Variants in CPE observed in about 807,000 individuals in gnomAD.
The protein encoded by CPE is carbocypeptidase E.
In CPE, 17 loss-of-function variants were observed where a neutral mutation model predicts 53.5. The ratio of observed to expected loss-of-function variants is 0.32; its 90% CI spans 0.22 to 0.48. The LOEUF (loss-of-function observed/expected upper bound fraction) is 0.48. CPE is among the 20% of genes least tolerant of loss of function. The pLI is 0.99. For missense variants in CPE, 524 were observed against 614.7 expected (o/e 0.85, Z 1.56); for synonymous variants, 226 against 228.8 (o/e 0.99, Z 0.11).
intron 1 of CPE, among the ~76,000 whole-genome samples, chr4:165,389,584 C>T (rs777188678): frequency 6.6e-6 from 1 of 152,172 alleles, no homozygotes; most frequent in Non-Finnish European, 1.5e-5. Flanking sequence ...ATTGGTTGTG[C>T]TGGAGTTGTC....
At chr4:165,486,898 T>G (rs761857793) in intron 5 of CPE, among the ~76,000 whole-genome samples, 1 of 152,178 alleles carries the variant, frequency 6.6e-6, no homozygotes, top group Non-Finnish European at 1.5e-5. Context: ...ATCCTTAACT[T>G]TGGCAAAGAA....
intron 1 of CPE, among the ~76,000 whole-genome samples, chr4:165,426,882 A>G (rs1731328624): frequency 6.6e-6 from 1 of 152,226 alleles, no homozygotes; most frequent in Admixed American, 6.5e-5. Flanking sequence ...TTAGTAAGTG[A>G]AAGAAGAAAG....
At chr4:165,412,306 C>T (rs1280863487) in intron 1 of CPE, among the ~76,000 whole-genome samples, 1 of 152,158 alleles carries the variant, frequency 6.6e-6, no homozygotes, top group African/African-American at 2.4e-5. Flanking sequence ...AAATTGTAGA[C>T]ATTAAATATC....
chr4:165,436,317 TTGGAAAAACATTTTTC>T (rs1731501040), intron 1 of CPE, among the ~76,000 whole-genome samples: 1 of 152,120 alleles, frequency 6.6e-6, no homozygotes, highest in African/African-American at 2.4e-5. Flanking sequence ...TGACTTGCAG[TTGGAAAAACATTTTTC>T]TAGGTGATCT....
chr4:165,381,898 T>G (rs1388364426), intron 1 of CPE, among the ~76,000 whole-genome samples: 1 of 152,246 alleles, frequency 6.6e-6, no homozygotes, highest in African/African-American at 2.4e-5. Flanking sequence ...GAGGTACAAG[T>G]GGGCTCATTC....
intron 1 of CPE, among the ~76,000 whole-genome samples, chr4:165,444,822 T>C (rs2126687906): frequency 6.6e-6 from 1 of 152,374 alleles, no homozygotes; most frequent in Admixed American, 6.5e-5. Flanking sequence ...CCGGAGCAAC[T>C]GAAGGGCCAG....
Position 165,454,920 on chromosome 4 carries a change from C to T in CPE, c.308-9470C>T, listed in dbSNP as rs10019741. On this transcript the variant is annotated intron_variant, in intron 1 of 8. Coordinates refer to ENST00000402744, the MANE Select transcript of CPE (RefSeq NM_001873.4). ...GGGGATGTTTAAGAGGTTATCTAGT[C>T]CAGCCTCACAGCTTGTCTCTTAGAT... Among the ~76,000 whole-genome samples the T allele has an allele frequency of 3.2e-3, 494 of 152,278 alleles. 3 individuals carry two copies. Among genetic ancestry groups the T allele is most frequent in the African/African-American group, 0.011 (474 of 41,556 alleles).
intron 1 of CPE, among the ~76,000 whole-genome samples, chr4:165,389,439 G>GT (rs563513769): frequency 2.6e-5 from 4 of 152,118 alleles, no homozygotes; most frequent in African/African-American, 9.6e-5. Context: ...TCTCAAGAAT[G>GT]TTTTTTTCAG....
chr4:165,405,745 C>A (rs1340032147), intron 1 of CPE: 5 of 932,200 alleles, frequency 5.4e-6, no homozygotes, highest in African/African-American at 1.6e-5. Context: ...CCTGTCTGCA[C>A]GGATGTTTCT....
chr4:165,431,469 G>C (rs1731407969), intron 1 of CPE, among the ~76,000 whole-genome samples: 1 of 152,186 alleles, frequency 6.6e-6, no homozygotes, highest in Non-Finnish European at 1.5e-5. Flanking sequence ...ACTAGGCCAG[G>C]TAGTTTCCAT....
chr4:165,480,992 A>G (rs1459813015), intron 3 of CPE, among the ~76,000 whole-genome samples: 1 of 127,904 alleles, frequency 7.8e-6, no homozygotes, highest in East Asian at 2.2e-4. Context: ...ATTTTCTACA[A>G]TGGATATATA....
chr4:165,447,579 AAAAAAGAAAAG>A (rs1442422233), intron 1 of CPE, among the ~76,000 whole-genome samples: 2 of 151,702 alleles, frequency 1.3e-5, no homozygotes, highest in African/African-American at 2.4e-5. Context: ...TTTAAAAAAA[AAAAAAGAAAAG>A]AAAAGAAAAG....
intron 6 of CPE, among the ~76,000 whole-genome samples, chr4:165,490,776 G>A (rs1042695618): frequency 6.6e-6 from 1 of 152,020 alleles, no homozygotes; most frequent in African/African-American, 2.4e-5. Context: ...TTTGCAGCAA[G>A]CTATCTGCGT....
chr4:165,409,463 C>T (rs1731002589), intron 1 of CPE, among the ~76,000 whole-genome samples: 1 of 152,180 alleles, frequency 6.6e-6, no homozygotes. Flanking sequence ...CTCAGACTCC[C>T]GAAGTGCTGG....
At chr4:165,407,384 C>A (rs1008132041) in intron 1 of CPE, among the ~76,000 whole-genome samples, 1 of 150,774 alleles carries the variant, frequency 6.6e-6, no homozygotes, top group Non-Finnish European at 1.5e-5. Flanking sequence ...ATATGTATAT[C>A]TTCTTTGGAG....
intron 1 of CPE, among the ~76,000 whole-genome samples, chr4:165,428,642 G>C (rs917253887): frequency 1.5e-5 from 2 of 137,128 alleles, no homozygotes; most frequent in African/African-American, 2.7e-5. Flanking sequence ...CTGAAATAAA[G>C]GAGTTGTCAG....
intron 3 of CPE, among the ~76,000 whole-genome samples, chr4:165,472,921 G>A (rs954428045): frequency 4.6e-5 from 7 of 152,066 alleles, no homozygotes; most frequent in Admixed American, 1.3e-4. Context: ...AACCTGCTAA[G>A]TAAGTGATTC....
intron 3 of CPE, among the ~76,000 whole-genome samples, chr4:165,479,824 T>C (rs528512762): frequency 2.2e-4 from 33 of 152,158 alleles, no homozygotes; most frequent in Admixed American, 1.2e-3. Flanking sequence ...AACTCGTCTC[T>C]ACTAAAAATA....
At chr4:165,388,644 C>A (rs1206060194) in intron 1 of CPE, among the ~76,000 whole-genome samples, 2 of 152,332 alleles carry the variant, frequency 1.3e-5, no homozygotes, top group East Asian at 3.9e-4. Flanking sequence ...ATGCCTGCTG[C>A]ATATGATGCA....
Sources: allele counts gnomAD v4.1 joint callset (sites outside exome capture counted in the v4.1 genomes callset), GRCh38; gene constraint gnomAD v4.1.1; transcripts MANE v1.5; gene names NCBI Gene and HGNC (gene_info 2026-07-23, HGNC 2026-07-21).